Variants in TSHZ3 observed in about 807,000 individuals in gnomAD.
The protein encoded by TSHZ3 is teashirt zinc finger homeobox 3, also known as teashirt homolog 3.
In TSHZ3, 10 loss-of-function variants were observed where a neutral mutation model predicts 64.5. The observed-to-expected ratio is 0.16, with a 90% CI of 0.10 to 0.26. The LOEUF is 0.26. Among genes scored for constraint, TSHZ3 ranks in the 10% least tolerant of loss-of-function variants. TSHZ3 has a pLI of 1.00. For missense variants in TSHZ3, 1,242 were observed against 1,421.7 expected (o/e 0.87, Z 2.03); for synonymous variants, 608 against 593.1 (o/e 1.03, Z -0.36).
chr19:31,273,003 C>T (rs574258443), downstream of TSHZ3, among the ~76,000 whole-genome samples: 7 of 152,182 alleles, frequency 4.6e-5, no homozygotes, highest in Non-Finnish European at 1.0e-4. Flanking sequence ...CTACGACAGA[C>T]GCGGAGTGCG....
At chr19:31,166,518 G>A (rs1974454217) in intron 5 of TSHZ3, among the ~76,000 whole-genome samples, 1 of 152,188 alleles carries the variant, frequency 6.6e-6, no homozygotes, top group African/African-American at 2.4e-5. Flanking sequence ...AGAAGGGAGA[G>A]GATGGAGAGA....
intron 1 of TSHZ3, among the ~76,000 whole-genome samples, chr19:31,316,913 C>T (rs1211359117): frequency 1.3e-5 from 2 of 152,072 alleles, no homozygotes; most frequent in South Asian, 2.1e-4. Context: ...ACATATGCTC[C>T]GGCCAAATAT....
intron 1 of TSHZ3, among the ~76,000 whole-genome samples, chr19:31,267,449 C>T (rs1211314906): frequency 6.6e-6 from 1 of 152,048 alleles, no homozygotes; most frequent in Admixed American, 6.5e-5. Context: ...TCTGGAAGCG[C>T]CCTCAATCCC....
At chr19:31,183,811 G>C (rs989319562) in intron 5 of TSHZ3, among the ~76,000 whole-genome samples, 2 of 152,112 alleles carry the variant, frequency 1.3e-5, no homozygotes, top group African/African-American at 4.8e-5. Context: ...AGGCGCTGGA[G>C]TGTTTTGACT....
chr19:31,229,788 TACTA>T (rs1975515400), intron 3 of TSHZ3, among the ~76,000 whole-genome samples: 2 of 152,282 alleles, frequency 1.3e-5, no homozygotes. Flanking sequence ...ACAAAGGAAG[TACTA>T]ACAGCAAAAA....
chr19:31,260,415 T>C (rs1034354465), intron 1 of TSHZ3, among the ~76,000 whole-genome samples: 5 of 152,114 alleles, frequency 3.3e-5, no homozygotes, highest in African/African-American at 1.2e-4. Flanking sequence ...CAGGTCTGGG[T>C]TCAGAATCTG....
intron 1 of TSHZ3, among the ~76,000 whole-genome samples, chr19:31,336,296 G>T (rs1398645073): frequency 1.3e-5 from 2 of 152,102 alleles, no homozygotes; most frequent in Non-Finnish European, 2.9e-5. Flanking sequence ...TTTTTTTGAG[G>T]CTGAAAGGGG....
chr19:31,255,105 C>A (rs1465315540), intron 1 of TSHZ3, among the ~76,000 whole-genome samples: 1 of 152,196 alleles, frequency 6.6e-6, no homozygotes, highest in African/African-American at 2.4e-5. Context: ...GCTTTCCTGG[C>A]TCTCTGGTGA....
chr19:31,298,544 T>C (rs1330884581), intron 1 of TSHZ3, among the ~76,000 whole-genome samples: 12 of 152,108 alleles, frequency 7.9e-5, no homozygotes, highest in Admixed American at 5.9e-4. Context: ...CCAGAACCAA[T>C]TGTGGATGCA....
At chr19:31,208,321 C>T (rs535611449) in intron 4 of TSHZ3, among the ~76,000 whole-genome samples, 3 of 152,162 alleles carry the variant, frequency 2.0e-5, no homozygotes, top group Non-Finnish European at 2.9e-5. Flanking sequence ...GGGATAAACC[C>T]TCTTTAATAA....
rs368772909 is a variant in TSHZ3, at chr19:31,238,604, C to T, written n.550+3665G>A. Reference sequence around the variant, plus strand: ...AACGGTATACATATTTAAAATTGTTCTACCTTGCTAGTGAATTGTTCCTTT... The same window carrying T: ...AACGGTATACATATTTAAAATTGTTTTACCTTGCTAGTGAATTGTTCCTTT... On this transcript the variant is annotated intron_variant and non_coding_transcript_variant, in intron 3 of 6. Transcript: ENST00000651361. Among the ~76,000 whole-genome samples the T allele has an allele frequency of 9.7e-4, 147 of 152,240 alleles. No homozygotes were observed. The Middle Eastern group carries it at 0.017, about 18-fold the overall frequency.
chr19:31,346,233 T>C (rs938202332), intron 1 of TSHZ3, among the ~76,000 whole-genome samples: 1 of 152,164 alleles, frequency 6.6e-6, no homozygotes, highest in African/African-American at 2.4e-5. Flanking sequence ...TCTTGGCCTT[T>C]TGTGGTTGTT....
chr19:31,276,373 G>A lies in TSHZ3; in HGVS notation c.*174C>T. 1.9e-6 allele frequency: 1 copy of A among 528,964 alleles called. No homozygotes were observed. The highest frequency in any genetic ancestry group is 3.0e-5 in the East Asian group (1 of 32,794). 32.8% of individuals were successfully genotyped at this position (528,964 alleles called of 1,614,324 possible). On this transcript the variant is annotated 3_prime_UTR_variant, in exon 2 of 2. Transcript: ENST00000240587. ...TCATATTTTACCAGTAACAACAGCT[G>A]ATTATGCACCTCTATTAAACACTGT... is the stretch of plus-strand genomic sequence containing the variant.
At chr19:31,204,319 C>T (rs746757581) in intron 5 of TSHZ3, among the ~76,000 whole-genome samples, 1 of 150,878 alleles carries the variant, frequency 6.6e-6, no homozygotes, top group Non-Finnish European at 1.5e-5. Context: ...TCCCTCTCTC[C>T]TTTTCTTTCT....
At chr19:31,240,908 C>A (rs1186056555) in intron 3 of TSHZ3, among the ~76,000 whole-genome samples, 1 of 152,016 alleles carries the variant, frequency 6.6e-6, no homozygotes, top group Admixed American at 6.6e-5. Context: ...GATTCTTTTT[C>A]TATTCAATCA....
At chr19:31,184,196 G>A (rs1974768746) in intron 5 of TSHZ3, among the ~76,000 whole-genome samples, 1 of 152,044 alleles carries the variant, frequency 6.6e-6, no homozygotes, top group African/African-American at 2.4e-5. Flanking sequence ...CTGTTAAGAC[G>A]GGATCTTATT....
chr19:31,283,377 C>T (rs1004501560), intron 1 of TSHZ3, among the ~76,000 whole-genome samples: 4 of 152,164 alleles, frequency 2.6e-5, no homozygotes, highest in African/African-American at 9.7e-5. Context: ...CCATCTTCCA[C>T]CATGCTTTGC....
intron 1 of TSHZ3, among the ~76,000 whole-genome samples, chr19:31,324,313 C>A (rs1442700070): frequency 6.6e-6 from 1 of 152,228 alleles, no homozygotes; most frequent in Non-Finnish European, 1.5e-5. Context: ...AGAATGAAAT[C>A]TTAAGCAGCA....
In TSHZ3 at chr19:31,277,624, G is replaced by A. The variant is rs527386010; in HGVS notation, c.2169C>T (p.Ser723=). The A allele has an allele frequency of 1.7e-5, 27 of 1,563,120 alleles. No individual in the cohort carries two copies. The highest frequency in any genetic ancestry group is 9.0e-5 in the East Asian group (4 of 44,424). The change falls in exon 2 of 2, where the codon AGC becomes AGT. Residue 723 remains serine, a synonymous_variant. Transcript: ENST00000240587. This position sits in a 1 kb window ranked among gnomAD's most constrained non-coding sequence, Gnocchi z 4.5. Reference sequence around the variant, plus strand: ...GAATGTTCATGACTGACTGCAGGGCGCTCAAAGGGTTAACAAAAGGCTGTT... The same window carrying A: ...GAATGTTCATGACTGACTGCAGGGCACTCAAAGGGTTAACAAAAGGCTGTT... ...PPEQPFVNPL[S]ALQSVMNIHL...
Sources: allele counts gnomAD v4.1 joint callset (sites outside exome capture counted in the v4.1 genomes callset), GRCh38; gene constraint gnomAD v4.1.1; non-coding constraint Gnocchi (gnomAD v3.1); transcripts MANE v1.5; gene names NCBI Gene and HGNC (gene_info 2026-07-23, HGNC 2026-07-21).